Variants in NBEA observed in about 807,000 individuals in gnomAD.
NBEA encodes lysosomal-trafficking regulator 2.
In NBEA, 44 loss-of-function variants were observed where a neutral mutation model predicts 343.4. That is an observed-to-expected ratio of 0.13 (90% CI 0.10 to 0.16). NBEA has a LOEUF of 0.16. Among genes scored for constraint, NBEA ranks in the 10% least tolerant of loss-of-function variants. The pLI is 1.00. For missense variants in NBEA, 2,555 were observed against 3,631.3 expected (o/e 0.70, Z 7.62); for synonymous variants, 1,175 against 1,238.7 (o/e 0.95, Z 1.08).
At chr13:35,143,202 A>T (rs1235705250) in intron 18 of NBEA, among the ~76,000 whole-genome samples, 1 of 152,168 alleles carries the variant, frequency 6.6e-6, no homozygotes, top group Non-Finnish European at 1.5e-5. Flanking sequence ...ACACAGTCAC[A>T]CTCATTTGTT....
At chr13:35,125,719 ATAAGT>A (rs1199734291) in intron 17 of NBEA, among the ~76,000 whole-genome samples, 2 of 152,230 alleles carry the variant, frequency 1.3e-5, no homozygotes, top group Non-Finnish European at 2.9e-5. Flanking sequence ...CATGGAAAAA[ATAAGT>A]TAAAGTAACC....
Position 35,271,473 on chromosome 13 carries a change from G to A in NBEA, c.5777-18916G>A, listed in dbSNP as rs141074360. ...CTCCTCCAAAGGAACACAACTCCACGCCAGTAAGGGAACAAAACTGGATGG... is the reference window on the plus strand; with the variant it reads ...CTCCTCCAAAGGAACACAACTCCACACCAGTAAGGGAACAAAACTGGATGG... On this transcript the variant is annotated intron_variant, in intron 34 of 58. Transcript: ENST00000379939. 4.6e-3 allele frequency among the ~76,000 whole-genome samples: 696 copies of A among 152,218 alleles called. 7 individuals carry two copies. Among genetic ancestry groups the A allele is most frequent in the African/African-American group, 0.016 (659 of 41,536 alleles).
intron 1 of NBEA, among the ~76,000 whole-genome samples, chr13:34,978,059 G>A (rs967688753): frequency 1.3e-5 from 2 of 152,008 alleles, no homozygotes; most frequent in Non-Finnish European, 2.9e-5. Flanking sequence ...CTCCTGCCTT[G>A]GCCTCCCAAA....
intron 38 of NBEA, among the ~76,000 whole-genome samples, chr13:35,394,724 A>G (rs984246078): frequency 6.6e-6 from 1 of 152,046 alleles, no homozygotes; most frequent in African/African-American, 2.4e-5. Context: ...AAATTTGCAA[A>G]TTCTCTACCA....
chr13:35,149,415 A>C (rs1299004618), intron 18 of NBEA, among the ~76,000 whole-genome samples: 2 of 152,162 alleles, frequency 1.3e-5, no homozygotes, highest in African/African-American at 4.8e-5. Flanking sequence ...GAAAACAGAC[A>C]AACTAAGACT....
Position 35,618,853 on chromosome 13 carries a change from G to A in NBEA, c.7450-9228G>A, listed in dbSNP as rs139644010. 3.2e-3 allele frequency among the ~76,000 whole-genome samples: 488 copies of A among 151,984 alleles called. 2 individuals are homozygous for A. The highest frequency in any genetic ancestry group is 0.011 in the African/African-American group (439 of 41,456). On this transcript the variant is annotated intron_variant, in intron 48 of 58. Coordinates refer to ENST00000379939, the MANE Select transcript of NBEA (RefSeq NM_001385012.1). ...TTGTTTTAGAAAAAGGCCCTTTCAC[G>A]GATGTGCATTGATAATCTCATCTCG... is the stretch of plus-strand genomic sequence containing the variant.
At chr13:35,435,460 C>T (rs999594256) in intron 39 of NBEA, among the ~76,000 whole-genome samples, 16 of 151,650 alleles carry the variant, frequency 1.1e-4, no homozygotes, top group Admixed American at 2.0e-4. Flanking sequence ...AGAAATACAA[C>T]GGAGTAGTTA....
intron 1 of NBEA, among the ~76,000 whole-genome samples, chr13:35,010,739 AAAATATAT>A (rs2061461055): frequency 2.9e-5 from 1 of 34,170 alleles, no homozygotes; most frequent in Non-Finnish European, 5.8e-5. Context: ...AAAAAAAAAA[AAAATATAT>A]ATATATATAT....
intron 49 of NBEA, among the ~76,000 whole-genome samples, chr13:35,638,426 G>A (rs1443743262): frequency 6.6e-6 from 1 of 152,206 alleles, no homozygotes; most frequent in African/African-American, 2.4e-5. Flanking sequence ...CCCAACAAGA[G>A]CTGTGGCCTT....
At chr13:35,599,370 T>C (rs1445556228) in intron 47 of NBEA, among the ~76,000 whole-genome samples, 1 of 152,236 alleles carries the variant, frequency 6.6e-6, no homozygotes, top group Non-Finnish European at 1.5e-5. Flanking sequence ...CAATCAGAGT[T>C]AAGGCTCAAA....
chr13:35,247,280 C>T (rs948701977), intron 34 of NBEA, among the ~76,000 whole-genome samples: 2 of 152,180 alleles, frequency 1.3e-5, no homozygotes, highest in Non-Finnish European at 2.9e-5. Context: ...GAATTCTTGC[C>T]TTCCCCCAAG....
At chr13:35,394,066 A>G (rs79778560) in intron 38 of NBEA, among the ~76,000 whole-genome samples, 7,252 of 152,200 alleles carry the variant, frequency 0.048, 301 homozygotes, top group African/African-American at 0.12. Context: ...ATATCATTGT[A>G]TAGACACAGA....
At chr13:35,219,706 C>T (rs958479249) in intron 33 of NBEA, among the ~76,000 whole-genome samples, 1 of 152,090 alleles carries the variant, frequency 6.6e-6, no homozygotes, top group African/African-American at 2.4e-5. Context: ...GCCAGTGATA[C>T]AAGTTCCTAT....
At chr13:35,297,932 C>G (rs2036245489) in intron 35 of NBEA, among the ~76,000 whole-genome samples, 1 of 151,558 alleles carries the variant, frequency 6.6e-6, no homozygotes. Flanking sequence ...TAACCATCAA[C>G]ACTACAATGA....
intron 58 of NBEA, among the ~76,000 whole-genome samples, chr13:35,670,475 C>T (rs1029097650): frequency 2.0e-5 from 3 of 151,934 alleles, no homozygotes; most frequent in African/African-American, 7.3e-5. Flanking sequence ...GACTGTGGAC[C>T]GAGAGGACAA....
At chr13:35,311,528 G>C (rs2037364530) in intron 36 of NBEA, among the ~76,000 whole-genome samples, 1 of 152,010 alleles carries the variant, frequency 6.6e-6, no homozygotes, top group African/African-American at 2.4e-5. Context: ...GGAAAGGTTA[G>C]AAATAAAGAA....
chr13:35,166,189 A>G (rs192660851), intron 24 of NBEA, among the ~76,000 whole-genome samples: 20 of 152,104 alleles, frequency 1.3e-4, no homozygotes, highest in African/African-American at 4.3e-4. Context: ...CTTCTTATGT[A>G]AAAAAAACAG....
At chr13:35,634,301 C>T (rs955989986) in intron 49 of NBEA, among the ~76,000 whole-genome samples, 2 of 152,164 alleles carry the variant, frequency 1.3e-5, no homozygotes, top group Admixed American at 6.5e-5. Flanking sequence ...CAAGATCATA[C>T]CACTGCACTC....
chr13:35,423,964 T>C (rs985792624), intron 38 of NBEA, among the ~76,000 whole-genome samples: 20 of 152,170 alleles, frequency 1.3e-4, no homozygotes, highest in African/African-American at 4.6e-4. Context: ...CTGTTATTGG[T>C]GTGTAAGAAT....
Sources: gnomAD v4.1 joint callset for allele counts (sites outside exome capture counted in the v4.1 genomes callset) on GRCh38, gnomAD v4.1.1 for gene constraint, MANE v1.5 for transcripts, NCBI Gene and HGNC (gene_info 2026-07-23, HGNC 2026-07-21) for gene names.